The following CTDP1 variants were observed in gnomAD, a reference collection of about 807,000 sequenced individuals.
CTDP1 encodes CTD phosphatase 1.
CTDP1 carries 47 observed loss-of-function variants against 91.8 expected under a neutral mutation model. The ratio of observed to expected loss-of-function variants is 0.51; its 90% CI spans 0.41 to 0.65. CTDP1 has a LOEUF of 0.65. CTDP1 is among the 30% of genes least tolerant of loss of function. CTDP1 has a pLI of 0.00. For missense variants in CTDP1, 1,272 were observed against 1,373.7 expected (o/e 0.93, Z 1.17); for synonymous variants, 656 against 598.5 (o/e 1.10, Z -1.40).
intron 1 of CTDP1, among the ~76,000 whole-genome samples, chr18:79,680,586 C>T (rs2085342810): frequency 6.6e-6 from 1 of 152,258 alleles, no homozygotes; most frequent in Admixed American, 6.5e-5. Flanking sequence ...TAGGAAAACT[C>T]ATGGGTGGCT....
intron 4 of CTDP1, chr18:79,702,893 AG>A (rs1195318251): frequency 2.0e-5 from 3 of 152,422 alleles, no homozygotes; most frequent in Non-Finnish European, 4.4e-5. Context: ...GTGGTCTGGA[AG>A]GTGACAGTGT....
chr18:79,719,316 GTGGGCAGGTGCAGGGTGGCTGCGGGCAGC>G (rs1445601159), intron 10 of CTDP1, among the ~76,000 whole-genome samples: 4 of 152,142 alleles, frequency 2.6e-5, no homozygotes, highest in African/African-American at 9.7e-5. Context: ...TGACTGGGAT[GTGGGCAGGTGCAGGGTGGCTGCGGGCAGC>G]TGGGCCGGTG....
In CTDP1 at chr18:79,734,846, C is replaced by T. The variant is rs140672343; in HGVS notation, c.2581-1509C>T. On this transcript the variant is annotated intron_variant, in intron 11 of 12. Coordinates refer to ENST00000613122, the MANE Select transcript of CTDP1 (RefSeq NM_004715.5). ...AATATTAGTAACCTTGTCGAGTAAC[C>T]AGATGCTCTTATTAAATACCATTCC... 3.7e-4 allele frequency among the ~76,000 whole-genome samples: 56 copies of T among 152,202 alleles called. 1 individual carries two copies. The highest frequency in any genetic ancestry group is 6.5e-5 in the Admixed American group (1 of 15,286).
At chr18:79,722,359 T>G (rs1235307258) in intron 10 of CTDP1, among the ~76,000 whole-genome samples, 1 of 152,246 alleles carries the variant, frequency 6.6e-6, no homozygotes, top group Non-Finnish European at 1.5e-5. Flanking sequence ...TAGCTGTGCC[T>G]TCCGTGAGGA....
chr18:79,678,982 G>A (rs2085293778), upstream of CTDP1: 1 of 226,446 alleles, frequency 4.4e-6, no homozygotes, highest in Middle Eastern at 1.8e-3. Context: ...AGGCCTGGCC[G>A]CCCGCCCGCC....
chr18:79,741,949 T>C (rs2086786358), intron 12 of CTDP1, among the ~76,000 whole-genome samples: 1 of 152,174 alleles, frequency 6.6e-6, no homozygotes, highest in Non-Finnish European at 1.5e-5. Context: ...AACATTAATT[T>C]ATACATCCCA....
chr18:79,705,192 C>T (rs1208265660), intron 5 of CTDP1, among the ~76,000 whole-genome samples: 1 of 152,142 alleles, frequency 6.6e-6, no homozygotes, highest in South Asian at 2.1e-4. Flanking sequence ...CTTCTGCGAG[C>T]GTCCTCCGAC....
chr18:79,730,175 A>G (rs993932525), intron 11 of CTDP1, among the ~76,000 whole-genome samples: 2 of 152,192 alleles, frequency 1.3e-5, no homozygotes, highest in Non-Finnish European at 2.9e-5. Context: ...GTCTTTTTGA[A>G]CATTAGCTGT....
Position 79,701,529 on chromosome 18 carries a change from TTAAATAAATAAATAAATAAA to T in CTDP1, c.622-3213_622-3194del, listed in dbSNP as rs146187493. On this transcript the variant is annotated intron_variant, in intron 4 of 12. Coordinates refer to ENST00000613122, the MANE Select transcript of CTDP1 (RefSeq NM_004715.5). ...CATCTCAAAAAAAATAATAAATAAA[TTAAATAAATAAATAAATAAA>T]TAAATAAATAAATAAATAAATAAAA... Among the ~76,000 whole-genome samples the T allele has an allele frequency of 2.2e-3, 322 of 143,408 alleles. 1 individual carries two copies. The highest frequency in any genetic ancestry group is 5.7e-3 in the African/African-American group (221 of 38,786). The allele number at this position is 143,408 out of a possible 152,430, so 94.1% of individuals were successfully genotyped here. A position where few individuals can be genotyped will look rare whatever the true frequency, so the allele number is the denominator to read the frequency against.
intron 11 of CTDP1, among the ~76,000 whole-genome samples, chr18:79,733,001 C>T (rs569875984): frequency 2.6e-5 from 4 of 152,352 alleles, no homozygotes; most frequent in South Asian, 2.1e-4. Context: ...CTTCTGGAAG[C>T]GACTCTAAAG....
At position 79,704,753 on chromosome 18, in the gene CTDP1, A is replaced by G; in HGVS notation, c.622-14A>G. 3 of 1,613,212 alleles carry G rather than the reference A, an allele frequency of 1.9e-6. No homozygotes were observed. The highest frequency in any genetic ancestry group is 2.5e-6 in the Non-Finnish European group (3 of 1,180,026). On this transcript the variant is annotated splice_polypyrimidine_tract_variant and intron_variant, in intron 4 of 12. Transcript: ENST00000613122. ...CAGGCCTTTTCTCCCGACTGTTGCT[A>G]CTATTCTTTTTAGGGCATCTTTCAC...
In CTDP1 at chr18:79,740,582, G is replaced by A. The variant is rs1179334770; in HGVS notation, c.2747+4061G>A. Among the ~76,000 whole-genome samples the A allele has an allele frequency of 6.6e-5, 10 of 152,212 alleles. No individual in the cohort carries two copies. The East Asian group carries it at 7.7e-4, about 12-fold the overall frequency. On this transcript the variant is annotated intron_variant, in intron 12 of 12. Transcript: ENST00000613122. ...GATTCTTTCCCATGCGTGGCAATGC[G>A]TTTCGTACAGAAGCTGGAGGTCACT... is the stretch of plus-strand genomic sequence containing the variant.
rs575852100 is a variant in CTDP1, at chr18:79,754,253, G to A, written c.*463G>A. 267 of 215,464 alleles carry A rather than the reference G, an allele frequency of 1.2e-3. No individual in the cohort carries two copies. The highest frequency in any genetic ancestry group is 6.0e-3 in the African/African-American group (260 of 43,468). The allele number at this position is 215,464 out of a possible 1,614,324, so 13.3% of individuals were successfully genotyped here. A position where few individuals can be genotyped will look rare whatever the true frequency, so the allele number is the denominator to read the frequency against. ...CCCCGCCGCCTGCTGCTCCCTCCTA[G>A]GGAACCCATTTCCGGGGAACGCCGT... On this transcript the variant is annotated 3_prime_UTR_variant, in exon 13 of 13. Coordinates refer to ENST00000613122, the MANE Select transcript of CTDP1 (RefSeq NM_004715.5).
intron 12 of CTDP1, among the ~76,000 whole-genome samples, chr18:79,747,300 C>G (rs1381767675): frequency 6.6e-5 from 10 of 152,214 alleles, no homozygotes; most frequent in Admixed American, 5.9e-4. Flanking sequence ...GTAACACACA[C>G]AGGTTCATTC....
rs1491274071 is a variant in CTDP1, at chr18:79,691,500, CGG to C, written c.315-3722_315-3721del. ...CAGTGGACAGCTCCCAGGGTGGACT[CGG>C]GGTGGGGAGGAGTGGACGGCTCCCA... is the stretch of plus-strand genomic sequence containing the variant. On this transcript the variant is annotated intron_variant, in intron 1 of 12. Coordinates refer to ENST00000613122, the MANE Select transcript of CTDP1 (RefSeq NM_004715.5). Among the ~76,000 whole-genome samples, 3 of 148,190 alleles carry C rather than the reference CGG, an allele frequency of 2.0e-5. 1 individual carries two copies. The highest frequency in any genetic ancestry group is 7.4e-5 in the African/African-American group (3 of 40,292).
chr18:79,710,222 T>C, intron 5 of CTDP1, 124 bp from the exon 6 acceptor site: 1 of 807,550 alleles, frequency 1.2e-6, no homozygotes, highest in South Asian at 1.3e-5. Flanking sequence ...GGATGAAGTG[T>C]TTGGTGCCAG....
In CTDP1 at chr18:79,696,067, C is replaced by T. The variant is rs758989135; in HGVS notation, c.489C>T (p.Ser163=). The T allele has an allele frequency of 1.5e-5, 24 of 1,610,746 alleles. 1 individual carries two copies. The highest frequency in any genetic ancestry group is 3.3e-4 in the Middle Eastern group (2 of 6,060). The part of the protein sequence containing the change: ...VHSVPELMVS[S]EQAEQLGRED... ...GCGTGCCGGAGTTGATGGTGAGCTC[C>T]GAGGTGAGCCGGGCATCAGTGGCGG... The change falls in exon 3 of 13, where the codon TCC becomes TCT. Residue 163 remains serine, a synonymous_variant. Coordinates refer to ENST00000613122, the MANE Select transcript of CTDP1 (RefSeq NM_004715.5).
chr18:79,749,837 G>C (rs1304024457), intron 12 of CTDP1: 1 of 152,242 alleles, frequency 6.6e-6, no homozygotes, highest in Admixed American at 6.5e-5. Context: ...TGGGAGCCGG[G>C]TTTTCCCGGA....
At chr18:79,697,511 G>T (rs1000905355) in intron 3 of CTDP1, among the ~76,000 whole-genome samples, 1 of 152,262 alleles carries the variant, frequency 6.6e-6, no homozygotes, top group Non-Finnish European at 1.5e-5. Flanking sequence ...GGGCCACCCA[G>T]CGTCTCCCAG....
Sources: allele counts gnomAD v4.1 joint callset (sites outside exome capture counted in the v4.1 genomes callset), GRCh38; gene constraint gnomAD v4.1.1; transcripts MANE v1.5; gene names NCBI Gene and HGNC (gene_info 2026-07-23, HGNC 2026-07-21).